CX3CR1: variants seen among roughly 807,000 people sequenced by gnomAD.
The protein encoded by CX3CR1 is CX3C chemokine receptor 1.
For missense variants in CX3CR1, 363 were observed against 432.4 expected, an observed-to-expected ratio of 0.84 and a Z score of 1.42; for synonymous variants, 168 against 178.5, an observed-to-expected ratio of 0.94 and a Z score of 0.47.
chr3:39,281,554 A>T, upstream of CX3CR1: 1 of 1,500,496 alleles, frequency 6.7e-7, no homozygotes, highest in Non-Finnish European at 9.1e-7. Context: ...GGCCTGGATA[A>T]TTTCCCAAGC....
chr3:39,265,471 T>C lies in CX3CR1; in HGVS notation c.1039A>G (p.Ser347Gly). The C allele has an allele frequency of 6.2e-7, 1 of 1,613,526 alleles. No homozygotes were observed. The highest frequency in any genetic ancestry group is 8.5e-7 in the Non-Finnish European group (1 of 1,179,568). ...AGAAGGAGCAATGCATCTCCATCAC[T>C]CGTGTGGTAAGTAAAATTGCTGCTC... Reference protein sequence around the residue: ...VLSSNFTYHTSDGDALLLL With the variant: ...VLSSNFTYHTGDGDALLLL The change falls in exon 2 of 2, where the codon AGT becomes GGT. Residue 347 changes from serine (S) to glycine (G), a missense_variant. By Grantham distance (56) the Ser-to-Gly change is moderately conservative. Coordinates refer to ENST00000399220, the MANE Select transcript of CX3CR1 (RefSeq NM_001337.4).
chr3:39,274,118 C>A (rs761770640), intron 1 of CX3CR1, among the ~76,000 whole-genome samples: 4 of 152,150 alleles, frequency 2.6e-5, no homozygotes, highest in Non-Finnish European at 5.9e-5. Flanking sequence ...CAAGTCTTGG[C>A]AAATCTTGTT....
At chr3:39,275,612 A>G (rs1435134012) in intron 1 of CX3CR1, among the ~76,000 whole-genome samples, 6 of 152,014 alleles carry the variant, frequency 3.9e-5, no homozygotes, top group African/African-American at 1.5e-4. Flanking sequence ...TGTTCTTGCA[A>G]CCTCTTAGTA....
upstream of CX3CR1, chr3:39,281,786 G>GCCACGGGCACAGGCATGT: frequency 1.0e-6 from 1 of 983,778 alleles, no homozygotes; most frequent in Non-Finnish European, 1.6e-6. Flanking sequence ...CAACATGCCT[G>GCCACGGGCACAGGCATGT]TGCCCGTGGC....
chr3:39,266,597 G>C (rs755312731), intron 1 of CX3CR1, 79 bp from the exon 2 acceptor site: 33 of 1,404,320 alleles, frequency 2.3e-5, no homozygotes, highest in Non-Finnish European at 2.9e-5. Context: ...CTCATATGTA[G>C]GCAGGCAGGA....
At chr3:39,291,107 A>T in the CX3CR1 span, among the ~76,000 whole-genome samples, 2 of 149,952 alleles carry the variant, frequency 1.3e-5, no homozygotes, top group Non-Finnish European at 3.0e-5. Flanking sequence ...CCCAGGCTGG[A>T]GTGCAATAGC....
the CX3CR1 span, among the ~76,000 whole-genome samples, chr3:39,289,212 CAT>C: frequency 2.0e-5 from 3 of 151,584 alleles, no homozygotes; most frequent in Non-Finnish European, 4.4e-5. Context: ...TTAATGGTGA[CAT>C]GTGTAAAGCA....
At chr3:39,280,515 A>ATT (rs2040883747), upstream of CX3CR1, 3 of 965,922 alleles carry the variant, frequency 3.1e-6, no homozygotes, top group Non-Finnish European at 3.7e-6. Context: ...TAGAATCTGC[A>ATT]TTTTAATGAA....
At chr3:39,288,869 T>A in the CX3CR1 span, among the ~76,000 whole-genome samples, 111 of 152,300 alleles carry the variant, frequency 7.3e-4, 1 homozygote, top group African/African-American at 2.6e-3. Context: ...TTCCTTATTG[T>A]TAAAATCAGG....
chr3:39,286,867 A>G, the CX3CR1 span: 1 of 152,382 alleles, frequency 6.6e-6, no homozygotes, highest in Non-Finnish European at 1.5e-5. Flanking sequence ...TTTCAAAAGT[A>G]CAAGATGCAA....
Position 39,266,302 on chromosome 3 carries a change from G to C in CX3CR1, c.208C>G (p.Leu70Val). 2 of 1,614,214 alleles carry C rather than the reference G, an allele frequency of 1.2e-6. No homozygotes were observed. The highest frequency in any genetic ancestry group is 2.2e-5 in the South Asian group (2 of 91,080). The change falls in exon 2 of 2, where the codon CTC (leucine) becomes GTC (valine). Residue 70 changes from leucine to valine, a missense_variant. Physicochemically the swap from Leu to Val is conservative, Grantham distance 32 (BLOSUM62 1). Transcript: ENST00000399220. ...AGATCAGACAAGGCCAGGTTCAGGA[G>C]GTAAATGTCGGTGACACTCTTGGGC... The part of the protein sequence containing the change: ...KKPKSVTDIY[L>V]LNLALSDLLF...
upstream of CX3CR1, chr3:39,280,225 T>A: frequency 1.0e-6 from 1 of 985,686 alleles, no homozygotes; most frequent in Non-Finnish European, 1.2e-6. Context: ...ACTGCGGAGC[T>A]GGAGGGAGAG....
chr3:39,284,041 C>T (rs769980956), upstream of CX3CR1, among the ~76,000 whole-genome samples: 2 of 151,600 alleles, frequency 1.3e-5, no homozygotes, highest in Non-Finnish European at 2.9e-5. Context: ...TCACACGTTA[C>T]ATGCCTGTAT....
intron 1 of CX3CR1, among the ~76,000 whole-genome samples, chr3:39,279,706 C>A (rs1365057207): frequency 6.6e-6 from 1 of 152,164 alleles, no homozygotes; most frequent in African/African-American, 2.4e-5. Flanking sequence ...AAATCATGAG[C>A]TTTTCTCCAT....
At chr3:39,280,424 C>A (rs1350592977), upstream of CX3CR1, 4 of 985,386 alleles carry the variant, frequency 4.1e-6, no homozygotes, top group East Asian at 3.4e-4. Flanking sequence ...GCACACACAG[C>A]TCTTCTCCTC....
chr3:39,280,001 C>T lies in CX3CR1; in HGVS notation c.-57G>A, dbSNP rs1188983666. 2.0e-6 allele frequency: 2 copies of T among 985,456 alleles called. No individual in the cohort carries two copies. Among genetic ancestry groups the T allele is most frequent in the South Asian group, 9.4e-5 (2 of 21,294 alleles). The allele number at this position is 985,456 out of a possible 1,614,324, so 61.0% of individuals were successfully genotyped here. On this transcript the variant is annotated 5_prime_UTR_variant, in exon 1 of 2. Coordinates refer to ENST00000399220, the MANE Select transcript of CX3CR1 (RefSeq NM_001337.4). ...CCTCTGGATCTGCCAGTCAGCCACC[C>T]TGTCCTGCTCAGACTTTACCAGAGA...
upstream of CX3CR1, among the ~76,000 whole-genome samples, chr3:39,283,694 C>T (rs1307795843): frequency 5.4e-5 from 8 of 149,378 alleles, no homozygotes; most frequent in South Asian, 2.1e-4. Context: ...GCAGGAGAAT[C>T]GCTTGAAACC....
At chr3:39,271,643 T>C (rs548346962) in intron 1 of CX3CR1, among the ~76,000 whole-genome samples, 4 of 152,356 alleles carry the variant, frequency 2.6e-5, no homozygotes, top group Admixed American at 6.5e-5. Flanking sequence ...TTGGGCAACA[T>C]AGGGTTTTGC....
At chr3:39,270,844 G>T (rs2040766717) in intron 1 of CX3CR1, among the ~76,000 whole-genome samples, 2 of 152,150 alleles carry the variant, frequency 1.3e-5, no homozygotes, top group Non-Finnish European at 2.9e-5. Flanking sequence ...ACAAAAATAT[G>T]AGTTATATGA....
Sources: gnomAD v4.1 joint callset for allele counts (sites outside exome capture counted in the v4.1 genomes callset) on GRCh38, gnomAD v4.1.1 for gene constraint, MANE v1.5 for transcripts, NCBI Gene and HGNC (gene_info 2026-07-23, HGNC 2026-07-21) for gene names.